ZNF462: variants seen among roughly 807,000 people sequenced by gnomAD.
The protein encoded by ZNF462 is zinc finger protein 462.
In ZNF462, 10 loss-of-function variants were observed where a neutral mutation model predicts 201.9. The ratio of observed to expected loss-of-function variants is 0.05; its 90% CI spans 0.03 to 0.08. ZNF462 has a LOEUF of 0.08. ZNF462 is among the 10% of genes least tolerant of loss of function. The probability of loss-of-function intolerance (pLI) is 1.00; values close to 1 mark genes in which losing one functional copy is unlikely to be tolerated. For synonymous variants in ZNF462, 1,227 were observed against 1,193.3 expected, an observed-to-expected ratio of 1.03 and a Z score of -0.58; for missense variants, 2,523 against 3,168.3, an observed-to-expected ratio of 0.80 and a Z score of 4.89.
At chr9:106,991,318 C>T (rs574835383) in intron 10 of ZNF462, among the ~76,000 whole-genome samples, 90 of 151,860 alleles carry the variant, frequency 5.9e-4, no homozygotes, top group African/African-American at 2.1e-3. Context: ...ACAATAACAT[C>T]AAAAAGAATA....
upstream of ZNF462, among the ~76,000 whole-genome samples, chr9:106,860,925 C>G (rs1039869212): frequency 6.6e-6 from 1 of 151,776 alleles, no homozygotes; most frequent in African/African-American, 2.4e-5. This position sits in a 1 kb window ranked among gnomAD's most constrained non-coding sequence, Gnocchi z 7.1. Context: ...CCTCAGCGTC[C>G]TCCTCCTCTC....
Position 106,932,256 on chromosome 9 carries a change from C to G in ZNF462, c.6013-190C>G. On this transcript the variant is annotated intron_variant, in intron 4 of 12. Coordinates refer to ENST00000277225, the MANE Select transcript of ZNF462 (RefSeq NM_021224.6). This position sits in a 1 kb window ranked among gnomAD's most constrained non-coding sequence, Gnocchi z 6.8. ...GTGGGGCATGTGTGTGTGTGTGGTT[C>G]TCTTAGCAGGAGGCGGATGACCCTG... 6.4e-7 allele frequency: 1 copy of G among 1,550,516 alleles called. No individual in the cohort carries two copies. The highest frequency in any genetic ancestry group is 8.7e-7 in the Non-Finnish European group (1 of 1,146,996).
rs984461910 is a variant in ZNF462 at position 106,932,238 on chromosome 9, A to G, written c.6013-208A>G. On this transcript the variant is annotated intron_variant, in intron 4 of 12. Coordinates refer to ENST00000277225, the MANE Select transcript of ZNF462 (RefSeq NM_021224.6). The surrounding 1 kb of genome is among the most constrained non-coding windows in gnomAD (Gnocchi z 6.8). ...TGGATATTTATTTTGTTGGTGGGGCATGTGTGTGTGTGTGGTTCTCTTAGC... is the reference window on the plus strand; with the variant it reads ...TGGATATTTATTTTGTTGGTGGGGCGTGTGTGTGTGTGTGGTTCTCTTAGC... 2.8e-5 allele frequency: 43 copies of G among 1,540,160 alleles called. No homozygotes were observed. In the East Asian group the frequency reaches 9.3e-4, roughly 33 times the overall value.
In ZNF462 at chr9:106,968,069, G is replaced by A. The variant is rs1832162361; in HGVS notation, c.6428-3936G>A. Among the ~76,000 whole-genome samples the A allele has an allele frequency of 1.3e-5, 2 of 152,048 alleles. No individual in the cohort carries two copies. The highest frequency in any genetic ancestry group is 2.9e-5 in the Non-Finnish European group (2 of 67,994). On this transcript the variant is annotated intron_variant, in intron 7 of 12. Coordinates refer to ENST00000277225, the MANE Select transcript of ZNF462 (RefSeq NM_021224.6). This position sits in a 1 kb window ranked among gnomAD's most constrained non-coding sequence, Gnocchi z 4.0. The stretch of plus-strand genomic sequence containing the variant: ...TGTTTATTGCTGAAGCAACGTTCAT[G>A]TTCTTTTTGGCTCCTCTGATTTGTA...
Position 106,939,115 on chromosome 9 carries a change from T to A in ZNF462, c.6427+8T>A. The A allele has an allele frequency of 6.3e-7, 1 of 1,578,224 alleles. No homozygotes were observed. The highest frequency in any genetic ancestry group is 8.6e-7 in the Non-Finnish European group (1 of 1,162,122). ...AAGTGGAAGACTCCAATGGTAAAAA[T>A]GGGCTTCCAAGCTGGAATTAACCAC... On this transcript the variant is annotated splice_region_variant and intron_variant, in intron 7 of 12. Transcript: ENST00000277225.
rs567199011 is a variant in ZNF462, at chr9:106,865,799, A to G, written c.-31+2444A>G. On this transcript the variant is annotated intron_variant, in intron 1 of 12. Coordinates refer to ENST00000277225, the MANE Select transcript of ZNF462 (RefSeq NM_021224.6). This position sits in a 1 kb window ranked among gnomAD's most constrained non-coding sequence, Gnocchi z 4.1. Reference sequence around the variant, plus strand: ...GGAGGAATTTATTAATCATGTAGGAAGACATTTTGTGAGGATAATTTGAAA... The same window carrying G: ...GGAGGAATTTATTAATCATGTAGGAGGACATTTTGTGAGGATAATTTGAAA... 2.0e-5 allele frequency among the ~76,000 whole-genome samples: 3 copies of G among 152,322 alleles called. No individual in the cohort carries two copies. The highest frequency in any genetic ancestry group is 4.4e-5 in the Non-Finnish European group (3 of 68,030).
chr9:106,886,692 A>G lies in ZNF462; in HGVS notation c.-31+23337A>G, dbSNP rs1828333610. Among the ~76,000 whole-genome samples, 1 of 152,184 alleles carries G rather than the reference A, an allele frequency of 6.6e-6. No homozygotes were observed. The highest frequency in any genetic ancestry group is 1.5e-5 in the Non-Finnish European group (1 of 68,024). On this transcript the variant is annotated intron_variant, in intron 1 of 12. Transcript: ENST00000277225. The surrounding 1 kb of genome is among the most constrained non-coding windows in gnomAD (Gnocchi z 4.6). ...GGCTGAAATGATGTGTCCAAAGTCC[A>G]CAATGTAGGAAGTTAGTTAAGGAAG... is the stretch of plus-strand genomic sequence containing the variant.
In ZNF462 at chr9:106,908,162, A is replaced by G. The variant is rs957255818; in HGVS notation, c.-30-15192A>G. Among the ~76,000 whole-genome samples, 6 of 152,272 alleles carry G rather than the reference A, an allele frequency of 3.9e-5. No individual in the cohort carries two copies. The South Asian group carries it at 6.2e-4, about 16-fold the overall frequency. ...GAAAACTTTTGTAGATGTCTCACAG[A>G]TACTTGAAATGAAAATATGTTTTCT... On this transcript the variant is annotated intron_variant, in intron 1 of 12. Coordinates refer to ENST00000277225, the MANE Select transcript of ZNF462 (RefSeq NM_021224.6).
intron 5 of ZNF462, among the ~76,000 whole-genome samples, chr9:106,934,428 G>A (rs992713105): frequency 6.6e-6 from 1 of 152,174 alleles, no homozygotes; most frequent in Admixed American, 6.5e-5. Context: ...GACTTCATGC[G>A]TGGGATGAGG....
At chr9:106,980,434 A>C (rs1827332015) in intron 9 of ZNF462, among the ~76,000 whole-genome samples, 1 of 152,002 alleles carries the variant, frequency 6.6e-6, no homozygotes, top group Non-Finnish European at 1.5e-5. Flanking sequence ...TGGGAAGGAA[A>C]CCCACCTATG....
chr9:106,965,679 G>T (rs866847615), intron 7 of ZNF462, among the ~76,000 whole-genome samples: 3 of 152,164 alleles, frequency 2.0e-5, no homozygotes, highest in Middle Eastern at 3.4e-3. Context: ...GATGGTGTCA[G>T]TTCTCAATGT....
At chr9:107,007,084 G>A (rs1016761450) in intron 11 of ZNF462, among the ~76,000 whole-genome samples, 5 of 151,998 alleles carry the variant, frequency 3.3e-5, no homozygotes, top group Admixed American at 1.3e-4. Context: ...TCTTCATGAC[G>A]CTCTGTGGCC....
rs755934262 is a variant in ZNF462 at position 107,008,959 on chromosome 9, C to G, written c.7190-586C>G. ...AGATAAATGTTCATGGTAGATTCTT[C>G]GCTTGCAGATCTCATTCAGTGCACA... On this transcript the variant is annotated intron_variant, in intron 11 of 12. Coordinates refer to ENST00000277225, the MANE Select transcript of ZNF462 (RefSeq NM_021224.6). This position sits in a 1 kb window ranked among gnomAD's most constrained non-coding sequence, Gnocchi z 4.8. Among the ~76,000 whole-genome samples the G allele has an allele frequency of 6.6e-6, 1 of 152,132 alleles. No homozygotes were observed. Among genetic ancestry groups the G allele is most frequent in the Non-Finnish European group, 1.5e-5 (1 of 68,020 alleles).
At chr9:106,860,801 G>C (rs1827045614), upstream of ZNF462, among the ~76,000 whole-genome samples, 2 of 152,292 alleles carry the variant, frequency 1.3e-5, no homozygotes, top group African/African-American at 4.8e-5. The surrounding 1 kb of genome is among the most constrained non-coding windows in gnomAD (Gnocchi z 7.1). Flanking sequence ...CACCCCCCGG[G>C]TCCCGGTGGG....
rs185948862 is a variant in ZNF462, at chr9:106,870,456, G to C, written c.-31+7101G>C. 1.2e-4 allele frequency among the ~76,000 whole-genome samples: 19 copies of C among 152,288 alleles called. No individual in the cohort carries two copies. The highest frequency in any genetic ancestry group is 2.1e-4 in the Non-Finnish European group (14 of 68,020). ...TACCCCCAACCTTATTCAAAGAGTA[G>C]ACCCTGTTCTTTAGGGTGAAAGGAA... On this transcript the variant is annotated intron_variant, in intron 1 of 12. Transcript: ENST00000277225. This position sits in a 1 kb window ranked among gnomAD's most constrained non-coding sequence, Gnocchi z 4.3.
intron 10 of ZNF462, among the ~76,000 whole-genome samples, chr9:106,991,299 G>A (rs150997880): frequency 0.011 from 1,688 of 151,976 alleles, 22 homozygotes; most frequent in Middle Eastern, 0.031. Context: ...AAGAAGATCA[G>A]TTTCATGTAC....
rs902839870 is a variant in ZNF462 at position 106,919,005 on chromosome 9, A to G, written c.-30-4349A>G. The stretch of plus-strand genomic sequence containing the variant: ...AGCACCTTATGGTGTTTCTGGTTCT[A>G]TTTCTCAAAGGCTTTGAAGGTTATA... On this transcript the variant is annotated intron_variant, in intron 1 of 12. Coordinates refer to ENST00000277225, the MANE Select transcript of ZNF462 (RefSeq NM_021224.6). This position sits in a 1 kb window ranked among gnomAD's most constrained non-coding sequence, Gnocchi z 4.5. 6.6e-6 allele frequency among the ~76,000 whole-genome samples: 1 copy of G among 152,202 alleles called. No homozygotes were observed. The highest frequency in any genetic ancestry group is 2.1e-4 in the South Asian group (1 of 4,832).
chr9:106,943,052 G>GCA (rs1491481121), intron 7 of ZNF462, among the ~76,000 whole-genome samples: 1 of 138,406 alleles, frequency 7.2e-6, no homozygotes, highest in Admixed American at 7.2e-5. Context: ...GTTTTGTTTT[G>GCA]CGCGCGCGTG....
intron 7 of ZNF462, among the ~76,000 whole-genome samples, chr9:106,949,898 A>T (rs1831265968): frequency 6.6e-6 from 1 of 152,056 alleles, no homozygotes; most frequent in African/African-American, 2.4e-5. Context: ...CCAGCTGCCC[A>T]CCTGTGGCCA....
Sources: allele counts gnomAD v4.1 joint callset (sites outside exome capture counted in the v4.1 genomes callset), GRCh38; gene constraint gnomAD v4.1.1; non-coding constraint Gnocchi (gnomAD v3.1); transcripts MANE v1.5; gene names NCBI Gene and HGNC (gene_info 2026-07-23, HGNC 2026-07-21).